NOL4: variants seen among roughly 807,000 people sequenced by gnomAD.
NOL4 encodes cancer/testis antigen 125.
In NOL4, 17 loss-of-function variants were observed where a neutral mutation model predicts 75.9. That is an observed-to-expected ratio of 0.22 (90% CI 0.15 to 0.34). NOL4 has a LOEUF of 0.34. NOL4 is among the 10% of genes least tolerant of loss of function. The pLI, the probability that NOL4 is intolerant of heterozygous loss-of-function variation, is 1.00. For missense variants in NOL4, 614 were observed against 793.5 expected (o/e 0.77, Z 2.72); for synonymous variants, 292 against 289.9 (o/e 1.01, Z -0.07).
chr18:34,005,610 C>G (rs368039399), intron 6 of NOL4, among the ~76,000 whole-genome samples: 1 of 152,062 alleles, frequency 6.6e-6, no homozygotes, highest in Non-Finnish European at 1.5e-5. Flanking sequence ...ATGGCTCTTA[C>G]GCCTGTCCTC....
chr18:34,182,231 G>C (rs947316393), intron 1 of NOL4, among the ~76,000 whole-genome samples: 1 of 151,592 alleles, frequency 6.6e-6, no homozygotes, highest in Admixed American at 6.6e-5. Flanking sequence ...TCCATAAAAA[G>C]AATGATATGC....
At chr18:33,876,983 C>T (rs1431938311) in intron 10 of NOL4, among the ~76,000 whole-genome samples, 2 of 152,030 alleles carry the variant, frequency 1.3e-5, no homozygotes, top group Non-Finnish European at 2.9e-5. Flanking sequence ...TGGTTTGAGA[C>T]TAAAGCTTTT....
At chr18:34,219,106 C>T (rs1408643228) in intron 1 of NOL4, among the ~76,000 whole-genome samples, 1 of 152,144 alleles carries the variant, frequency 6.6e-6, no homozygotes, top group Non-Finnish European at 1.5e-5. Flanking sequence ...GATTGCAGAA[C>T]TGAATAAATC....
At chr18:33,957,199 A>G (rs569306437) in intron 8 of NOL4, 127 bp downstream of exon 8, 2 of 681,760 alleles carry the variant, frequency 2.9e-6, no homozygotes, top group African/African-American at 3.6e-5. Context: ...CGAGCAAACA[A>G]AACCCCCTTT....
chr18:34,037,406 T>TA (rs60891535), intron 5 of NOL4, among the ~76,000 whole-genome samples: 65,634 of 151,640 alleles, frequency 0.43, 14,649 homozygotes, highest in South Asian at 0.52. Context: ...TTCACAGAAA[T>TA]AAAAAAATCT....
At chr18:34,188,012 C>T (rs1435832725) in intron 1 of NOL4, among the ~76,000 whole-genome samples, 1 of 152,130 alleles carries the variant, frequency 6.6e-6, no homozygotes, top group Non-Finnish European at 1.5e-5. Flanking sequence ...TTTCACCATT[C>T]TAATAGGTAG....
chr18:34,137,566 A>G (rs1238734456), intron 1 of NOL4, among the ~76,000 whole-genome samples: 1 of 152,190 alleles, frequency 6.6e-6, no homozygotes, highest in Non-Finnish European at 1.5e-5. Context: ...ATAAATGCAA[A>G]TCAAAATAAC....
Position 34,224,609 on chromosome 18 carries a change from C to G in NOL4, c.-1356G>C, listed in dbSNP as rs1231433014. 1 of 152,300 alleles carries G rather than the reference C, an allele frequency of 6.6e-6. No homozygotes were observed. Among genetic ancestry groups the G allele is most frequent in the Admixed American group, 6.5e-5 (1 of 15,290 alleles). 9.4% of individuals were successfully genotyped at this position (152,300 alleles called of 1,614,324 possible). A position where few individuals can be genotyped will look rare whatever the true frequency, so the allele number is the denominator to read the frequency against. ...CGGCTCTGCCAGGAAAACGGCCCGACCAGTGCCCGGCGCCTGGGCTGCGTC... is the reference window on the plus strand; with the variant it reads ...CGGCTCTGCCAGGAAAACGGCCCGAGCAGTGCCCGGCGCCTGGGCTGCGTC... On this transcript the variant is annotated 5_prime_UTR_variant, in exon 1 of 11. Coordinates refer to ENST00000261592, the MANE Select transcript of NOL4 (RefSeq NM_003787.5).
At chr18:33,991,921 C>CA (rs2072946536) in intron 6 of NOL4, among the ~76,000 whole-genome samples, 1 of 148,072 alleles carries the variant, frequency 6.8e-6, no homozygotes, top group Admixed American at 6.6e-5. Flanking sequence ...TAAAATGAGA[C>CA]AAAATGAAGT....
chr18:33,865,247 A>G (rs745915010), intron 10 of NOL4, among the ~76,000 whole-genome samples: 11 of 152,150 alleles, frequency 7.2e-5, no homozygotes, highest in Non-Finnish European at 1.6e-4. Context: ...CAAGTCCTTT[A>G]TATTAAATGG....
intron 5 of NOL4, among the ~76,000 whole-genome samples, chr18:34,034,864 T>C (rs926721955): frequency 6.6e-5 from 10 of 150,760 alleles, no homozygotes; most frequent in Non-Finnish European, 1.2e-4. Flanking sequence ...ACAAAGAAGG[T>C]CATTATGTAA....
chr18:33,863,966 T>C (rs2063307463), intron 10 of NOL4, among the ~76,000 whole-genome samples: 1 of 152,182 alleles, frequency 6.6e-6, no homozygotes, highest in African/African-American at 2.4e-5. Flanking sequence ...TCAATCACCA[T>C]GTGGAAGCCA....
At chr18:34,113,993 C>T (rs527986043) in intron 2 of NOL4, among the ~76,000 whole-genome samples, 1 of 152,194 alleles carries the variant, frequency 6.6e-6, no homozygotes, top group Non-Finnish European at 1.5e-5. Flanking sequence ...GTCCTAATAT[C>T]TTTCTCGCAA....
intron 6 of NOL4, among the ~76,000 whole-genome samples, chr18:34,012,122 T>C (rs1184664054): frequency 1.3e-5 from 2 of 151,878 alleles, no homozygotes; most frequent in Non-Finnish European, 2.9e-5. Context: ...ATATAGAGAA[T>C]ATGAGCATAT....
At chr18:34,133,184 A>C (rs2080736586) in intron 1 of NOL4, among the ~76,000 whole-genome samples, 1 of 151,658 alleles carries the variant, frequency 6.6e-6, no homozygotes, top group African/African-American at 2.4e-5. Context: ...AGGCAGGAGA[A>C]TAGCTTGAAC....
chr18:33,901,994 A>G (rs1349956051), intron 9 of NOL4, among the ~76,000 whole-genome samples: 2 of 152,106 alleles, frequency 1.3e-5, no homozygotes, highest in African/African-American at 2.4e-5. Context: ...AAAGGATCTT[A>G]TATGGTAAAT....
At chr18:33,967,519 G>C (rs930138362) in intron 6 of NOL4, among the ~76,000 whole-genome samples, 1 of 152,046 alleles carries the variant, frequency 6.6e-6, no homozygotes, top group Non-Finnish European at 1.5e-5. Flanking sequence ...AATTAGCAGA[G>C]TAAACAGACA....
chr18:34,127,169 C>T (rs1469837811), intron 2 of NOL4, among the ~76,000 whole-genome samples: 3 of 151,866 alleles, frequency 2.0e-5, no homozygotes, highest in South Asian at 4.1e-4. Flanking sequence ...AAAGTTTAAG[C>T]TTTATAAATG....
At chr18:33,886,188 T>C (rs1402234546) in intron 9 of NOL4, among the ~76,000 whole-genome samples, 1 of 151,622 alleles carries the variant, frequency 6.6e-6, no homozygotes, top group African/African-American at 2.4e-5. Flanking sequence ...AGTGAGGGGA[T>C]GGTGAAGTGG....
Sources: gnomAD v4.1 joint callset for allele counts (sites outside exome capture counted in the v4.1 genomes callset) on GRCh38, gnomAD v4.1.1 for gene constraint, MANE v1.5 for transcripts, NCBI Gene and HGNC (gene_info 2026-07-23, HGNC 2026-07-21) for gene names.